The following LYPD1 variants were observed in gnomAD, a reference collection of about 807,000 sequenced individuals.
The protein encoded by LYPD1 is ly6/PLAUR domain-containing protein 1.
Under a neutral mutation model 14.2 loss-of-function variants are expected in LYPD1, and 14 were observed. That is an observed-to-expected ratio of 0.99 (90% CI 0.65 to 1.54). The LOEUF (loss-of-function observed/expected upper bound fraction) is 1.54, where lower values mean the gene tolerates loss of function less well. Ranked by LOEUF, LYPD1 falls within the 40% of genes most tolerant of loss-of-function variation. LYPD1 has a pLI of 0.00. For synonymous variants in LYPD1, 85 were observed against 70.6 expected, an observed-to-expected ratio of 1.20 and a Z score of -1.02; for missense variants, 165 against 175.7, an observed-to-expected ratio of 0.94 and a Z score of 0.34.
At chr2:132,652,417 A>G (rs10189715) in intron 2 of LYPD1, among the ~76,000 whole-genome samples, 90,276 of 151,996 alleles carry the variant, frequency 0.59, 28,594 homozygotes, top group African/African-American at 0.82. Flanking sequence ...CATTGGTGTC[A>G]CCTGGGTAAC....
At chr2:132,650,093 A>G (rs1234132504) in intron 2 of LYPD1, among the ~76,000 whole-genome samples, 1 of 152,242 alleles carries the variant, frequency 6.6e-6, no homozygotes, top group Non-Finnish European at 1.5e-5. Context: ...AAAAGGTCCT[A>G]GAAATCTATA....
intron 2 of LYPD1, among the ~76,000 whole-genome samples, chr2:132,655,679 T>G (rs1174954874): frequency 3.9e-5 from 6 of 151,976 alleles, no homozygotes; most frequent in Admixed American, 2.0e-4. Context: ...CATGCCTGGC[T>G]AATTTTTTGT....
rs1393589218 is a variant in LYPD1 at position 132,644,270 on chromosome 2, A to C, written c.*1775T>G. Among the ~76,000 whole-genome samples, 2 of 152,248 alleles carry C rather than the reference A, an allele frequency of 1.3e-5. No homozygotes were observed. The highest frequency in any genetic ancestry group is 2.4e-5 in the African/African-American group (1 of 41,472). ...CAAATGTACATGCAGTAAACATTTG[A>C]TCTACAGAAGGGCCTTTGAGTGGTC... On this transcript the variant is annotated 3_prime_UTR_variant, in exon 3 of 3. Transcript: ENST00000397463.
chr2:132,665,621 C>T (rs555088754), intron 2 of LYPD1, among the ~76,000 whole-genome samples: 12 of 152,192 alleles, frequency 7.9e-5, no homozygotes, highest in Non-Finnish European at 4.4e-5. Flanking sequence ...AGGCTTCAAG[C>T]GCCTCTTAGT....
intron 2 of LYPD1, chr2:132,663,064 TG>T (rs1432319790): frequency 6.6e-6 from 1 of 152,202 alleles, no homozygotes; most frequent in Non-Finnish European, 1.5e-5. Flanking sequence ...GTCAACTGCT[TG>T]GCAAAATGTC....
At chr2:132,662,641 G>T (rs1313207952) in intron 2 of LYPD1, among the ~76,000 whole-genome samples, 2 of 152,142 alleles carry the variant, frequency 1.3e-5, no homozygotes, top group Non-Finnish European at 2.9e-5. Context: ...TCTCTCAAAG[G>T]CTGTAGATTC....
chr2:132,649,005 G>A (rs375826374), intron 2 of LYPD1, among the ~76,000 whole-genome samples: 3 of 152,202 alleles, frequency 2.0e-5, no homozygotes, highest in South Asian at 2.1e-4. Flanking sequence ...GATGCTTTGG[G>A]TGAGATTGGA....
At position 132,650,153 on chromosome 2, in the gene LYPD1, G is replaced by C. The variant is rs1027328853; in HGVS notation, c.191-3873C>G. ...GAATAAATAACTCATTAGAAAAATA[G>C]GGAAAGCAAATGAACAGACAGTTCA... On this transcript the variant is annotated intron_variant, in intron 2 of 2. Transcript: ENST00000397463. 2.0e-5 allele frequency among the ~76,000 whole-genome samples: 3 copies of C among 152,290 alleles called. No individual in the cohort carries two copies. In the East Asian group the frequency reaches 5.8e-4, roughly 29 times the overall value.
At chr2:132,666,015 T>G (rs1320208562) in intron 2 of LYPD1, among the ~76,000 whole-genome samples, 1 of 152,158 alleles carries the variant, frequency 6.6e-6, no homozygotes. Flanking sequence ...GGAGAGGAGA[T>G]GTTGACCATG....
chr2:132,655,804 G>A (rs184465223), intron 2 of LYPD1, among the ~76,000 whole-genome samples: 70 of 152,194 alleles, frequency 4.6e-4, no homozygotes, highest in African/African-American at 1.4e-3. Flanking sequence ...GTGAGCCACC[G>A]CACCTGGCCA....
Position 132,662,300 on chromosome 2 carries a change from A to C in LYPD1, c.190+6100T>G, listed in dbSNP as rs534603276. 1.3e-3 allele frequency among the ~76,000 whole-genome samples: 197 copies of C among 152,312 alleles called. 1 individual carries two copies. Among genetic ancestry groups the C allele is most frequent in the South Asian group, 7.0e-3 (34 of 4,824 alleles). The stretch of plus-strand genomic sequence containing the variant: ...GATGGTTATACTGACCGCATTTCTC[A>C]TTCTCTTGCTGTATCTCATAAGAAA... On this transcript the variant is annotated intron_variant, in intron 2 of 2. Transcript: ENST00000397463.
chr2:132,668,734 G>A (rs1003854590), intron 1 of LYPD1, among the ~76,000 whole-genome samples, 197 bp from the exon 2 acceptor site: 2 of 152,148 alleles, frequency 1.3e-5, no homozygotes, highest in Non-Finnish European at 2.9e-5. Flanking sequence ...ACGGAAGAAA[G>A]TGGAATAGTG....
At chr2:132,661,210 G>A (rs980185730) in intron 2 of LYPD1, among the ~76,000 whole-genome samples, 3 of 152,112 alleles carry the variant, frequency 2.0e-5, no homozygotes, top group African/African-American at 7.2e-5. Context: ...ATGTGCCTGA[G>A]GATTCCTGTG....
Position 132,645,088 on chromosome 2 carries a change from C to T in LYPD1, c.*957G>A, listed in dbSNP as rs372259135. 913 of 1,600,094 alleles carry T rather than the reference C, an allele frequency of 5.7e-4. 1 individual carries two copies. Among genetic ancestry groups the T allele is most frequent in the South Asian group, 3.2e-3 (287 of 89,110 alleles). ...CTTTTCTCTGTCTCTCCCTCCTGCT[C>T]GTGTCTGCCCAGGGCTGATTGTTGT... is the stretch of plus-strand genomic sequence containing the variant. On this transcript the variant is annotated 3_prime_UTR_variant, in exon 3 of 3. Coordinates refer to ENST00000397463, the MANE Select transcript of LYPD1 (RefSeq NM_144586.7).
rs1195131399 is a variant in LYPD1 at position 132,646,191 on chromosome 2, TCA to T, written c.278_279del (p.Leu93GlnfsTer14). The stretch of plus-strand genomic sequence containing the variant: ...TTGCAGCAGCTGATGCAAACTGAGT[TCA>T]GTTTCCCTGGGGAGCAGAAGGACTG... ...GYQSFCSPGK[L>X]NSVCISCCNT... On this transcript the variant is annotated frameshift_variant, in exon 3 of 3. Coordinates refer to ENST00000397463, the MANE Select transcript of LYPD1 (RefSeq NM_144586.7). LOFTEE classifies it high-confidence loss of function. The T allele has an allele frequency of 6.2e-7, 1 of 1,609,122 alleles. No individual in the cohort carries two copies. The highest frequency in any genetic ancestry group is 1.7e-5 in the Admixed American group (1 of 59,430).
chr2:132,649,774 T>TC (rs2104899008), intron 2 of LYPD1, among the ~76,000 whole-genome samples: 1 of 152,208 alleles, frequency 6.6e-6, no homozygotes, highest in Admixed American at 6.5e-5. Flanking sequence ...CCTGAACAGT[T>TC]CCACCATTCA....
chr2:132,652,650 G>A (rs1275118274), intron 2 of LYPD1, among the ~76,000 whole-genome samples: 1 of 152,190 alleles, frequency 6.6e-6, no homozygotes, highest in African/African-American at 2.4e-5. Context: ...CCAAGACCAA[G>A]TCATTTCTCA....
chr2:132,652,168 A>G (rs1682384528), intron 2 of LYPD1, among the ~76,000 whole-genome samples: 8 of 152,214 alleles, frequency 5.3e-5, no homozygotes, highest in Admixed American at 2.6e-4. Flanking sequence ...TCATCCCTGC[A>G]TGATTTTTCT....
chr2:132,651,408 C>T (rs1420864327), intron 2 of LYPD1, among the ~76,000 whole-genome samples: 1 of 152,158 alleles, frequency 6.6e-6, no homozygotes, highest in African/African-American at 2.4e-5. Flanking sequence ...TCTGCTTTTC[C>T]TTTAACCAGG....
Sources: gnomAD v4.1 joint callset for allele counts (sites outside exome capture counted in the v4.1 genomes callset) on GRCh38, gnomAD v4.1.1 for gene constraint, MANE v1.5 for transcripts, NCBI Gene and HGNC (gene_info 2026-07-23, HGNC 2026-07-21) for gene names.